The following CTNNA2 variants were observed in gnomAD, a reference collection of about 807,000 sequenced individuals.
The protein encoded by CTNNA2 is catenin alpha 2.
A neutral mutation model predicts 101.0 loss-of-function variants in CTNNA2; 42 were observed. The ratio of observed to expected loss-of-function variants is 0.42; its 90% CI spans 0.32 to 0.54. CTNNA2 has a LOEUF of 0.54. Ranked by LOEUF, CTNNA2 falls within the 20% of genes least tolerant of loss-of-function variation. The probability of loss-of-function intolerance (pLI) is 0.14; values close to 1 mark genes in which losing one functional copy is unlikely to be tolerated. For synonymous variants in CTNNA2, 450 were observed against 456.4 expected, an observed-to-expected ratio of 0.99 and a Z score of 0.18; for missense variants, 871 against 1,223.1, an observed-to-expected ratio of 0.71 and a Z score of 4.29.
At chr2:80,038,631 A>T (rs1415457168) in intron 7 of CTNNA2, among the ~76,000 whole-genome samples, 3 of 152,140 alleles carry the variant, frequency 2.0e-5, no homozygotes, top group Non-Finnish European at 4.4e-5. Context: ...GGATCACTTG[A>T]GGTCAGGAGT....
intron 7 of CTNNA2, among the ~76,000 whole-genome samples, chr2:80,171,922 T>C (rs900105755): frequency 1.3e-5 from 2 of 152,190 alleles, no homozygotes; most frequent in African/African-American, 4.8e-5. Context: ...AGAGGACAGA[T>C]GTGTTCATCT....
intron 1 of CTNNA2, among the ~76,000 whole-genome samples, chr2:79,561,013 A>T (rs1674744934): frequency 6.6e-6 from 1 of 151,942 alleles, no homozygotes. Context: ...AGGTTGTGGA[A>T]CTATCACCAC....
intron 7 of CTNNA2, among the ~76,000 whole-genome samples, chr2:80,352,044 T>C (rs1331083488): frequency 6.6e-6 from 1 of 152,142 alleles, no homozygotes. Context: ...CATGTCTGTC[T>C]TCCCAGAGTG....
At chr2:80,295,238 T>G (rs554441968) in intron 7 of CTNNA2, among the ~76,000 whole-genome samples, 35 of 152,100 alleles carry the variant, frequency 2.3e-4, no homozygotes, top group South Asian at 4.2e-4. Flanking sequence ...TTTTTTTTTT[T>G]TGTGGGTAGG....
intron 13 of CTNNA2, among the ~76,000 whole-genome samples, chr2:80,580,450 TGAG>T (rs905968028): frequency 1.4e-4 from 22 of 152,160 alleles, no homozygotes; most frequent in African/African-American, 5.3e-4. Flanking sequence ...AAACTAATAA[TGAG>T]AAGTATGTTT....
chr2:79,435,351 G>A (rs766590060), intron 4 of CTNNA2, among the ~76,000 whole-genome samples: 7 of 152,082 alleles, frequency 4.6e-5, no homozygotes, highest in Non-Finnish European at 1.0e-4. Context: ...CTTGTTTTGT[G>A]TGCATTGGGG....
chr2:80,577,580 T>A (rs1030403007), intron 13 of CTNNA2, among the ~76,000 whole-genome samples: 1 of 152,096 alleles, frequency 6.6e-6, no homozygotes, highest in Non-Finnish European at 1.5e-5. Flanking sequence ...GAGAACAGAA[T>A]GTATGGGGCA....
chr2:79,916,917 C>T (rs1372473820), intron 7 of CTNNA2, among the ~76,000 whole-genome samples: 1 of 151,826 alleles, frequency 6.6e-6, no homozygotes, highest in East Asian at 2.0e-4. Flanking sequence ...GCCGCTGTGC[C>T]CAGCTTTTTT....
intron 4 of CTNNA2, among the ~76,000 whole-genome samples, chr2:79,494,465 G>A (rs79815769): frequency 0.014 from 2,200 of 152,166 alleles, 86 homozygotes; most frequent in East Asian, 0.13. Flanking sequence ...AAATAGACAT[G>A]TAGATCTATG....
chr2:79,439,595 T>G (rs1678755895), intron 4 of CTNNA2, among the ~76,000 whole-genome samples: 1 of 152,194 alleles, frequency 6.6e-6, no homozygotes, highest in Non-Finnish European at 1.5e-5. Context: ...AATAAAATTT[T>G]TATTTAAAAG....
chr2:79,965,403 A>T (rs6743663), intron 7 of CTNNA2, among the ~76,000 whole-genome samples: 43,717 of 152,068 alleles, frequency 0.29, 7,839 homozygotes, highest in East Asian at 0.62. Context: ...TTTCAAATGA[A>T]TTTTTTCTTG....
chr2:79,896,983 C>T (rs965324676), intron 6 of CTNNA2, among the ~76,000 whole-genome samples: 34 of 152,164 alleles, frequency 2.2e-4, no homozygotes, highest in Admixed American at 1.8e-3. Context: ...AGACTTGCGC[C>T]GGATTGCTGA....
intron 15 of CTNNA2, among the ~76,000 whole-genome samples, chr2:80,596,087 T>A (rs1167722430): frequency 6.6e-6 from 1 of 151,908 alleles, no homozygotes; most frequent in Admixed American, 6.6e-5. Context: ...ACATTACTTA[T>A]AAGTTGTATT....
intron 7 of CTNNA2, among the ~76,000 whole-genome samples, chr2:80,014,326 C>T (rs1294270443): frequency 2.6e-5 from 4 of 151,056 alleles, no homozygotes; most frequent in Non-Finnish European, 4.4e-5. Flanking sequence ...GGCATGGTTC[C>T]GGAGGGGTGA....
At chr2:80,232,747 C>T (rs1709330469) in intron 7 of CTNNA2, among the ~76,000 whole-genome samples, 2 of 152,082 alleles carry the variant, frequency 1.3e-5, no homozygotes, top group Non-Finnish European at 2.9e-5. Flanking sequence ...ATGGCCCCTA[C>T]CTTCCTGCCC....
At chr2:79,625,965 G>A (rs1186917359) in intron 1 of CTNNA2, among the ~76,000 whole-genome samples, 1 of 152,168 alleles carries the variant, frequency 6.6e-6, no homozygotes, top group Non-Finnish European at 1.5e-5. Context: ...TGGGCTTCTT[G>A]GAGCAGGTCT....
At chr2:79,743,940 A>G (rs1671471711) in intron 2 of CTNNA2, among the ~76,000 whole-genome samples, 1 of 152,168 alleles carries the variant, frequency 6.6e-6, no homozygotes, top group Non-Finnish European at 1.5e-5. Flanking sequence ...CTCATTATTT[A>G]TTAATTGCTC....
chr2:79,633,611 A>G (rs1377157705), intron 1 of CTNNA2: 1 of 152,192 alleles, frequency 6.6e-6, no homozygotes, highest in Non-Finnish European at 1.5e-5. Flanking sequence ...TGTGAGATGC[A>G]TTGTTTTCCA....
intron 2 of CTNNA2, among the ~76,000 whole-genome samples, chr2:79,305,951 C>A (rs914473637): frequency 4.7e-5 from 7 of 148,176 alleles, no homozygotes; most frequent in Admixed American, 6.9e-5. Context: ...GAGGCTCAGG[C>A]AGGAGAATGG....
Sources: gnomAD v4.1 joint callset for allele counts (sites outside exome capture counted in the v4.1 genomes callset) on GRCh38, gnomAD v4.1.1 for gene constraint, MANE v1.5 for transcripts, NCBI Gene and HGNC (gene_info 2026-07-23, HGNC 2026-07-21) for gene names.